The following CDKL5 variants were observed in gnomAD, a reference collection of about 807,000 sequenced individuals.
The protein encoded by CDKL5 is cyclin-dependent kinase-like 5.
A neutral mutation model predicts 61.7 loss-of-function variants in CDKL5; 8 were observed. That is an observed-to-expected ratio of 0.13 (90% CI 0.08 to 0.23). CDKL5 has a LOEUF of 0.23. CDKL5 is among the 10% of genes least tolerant of loss of function. The pLI, the probability that CDKL5 is intolerant of heterozygous loss-of-function variation, is 1.00. For synonymous variants in CDKL5, 275 were observed against 272.3 expected, an observed-to-expected ratio of 1.01 and a Z score of -0.10; for missense variants, 440 against 734.5, an observed-to-expected ratio of 0.60 and a Z score of 4.63.
At chrX:18,646,407 G>A (rs1474380341) in intron 20 of CDKL5, among the ~76,000 whole-genome samples, 1 of 112,087 alleles carries the variant, frequency 8.9e-6, no homozygotes, top group Admixed American at 9.4e-5. Context: ...GCCCCCCCTC[G>A]GCCTCCCAAA....
intron 16 of CDKL5, among the ~76,000 whole-genome samples, chrX:18,623,187 CTAGT>C (rs1438219005): frequency 2.7e-5 from 3 of 112,244 alleles, no homozygotes; most frequent in Non-Finnish European, 5.6e-5. Flanking sequence ...TAATTGTATC[CTAGT>C]TAGTTAGTAT....
intron 6 of CDKL5, among the ~76,000 whole-genome samples, 163 bp downstream of exon 6, chrX:18,580,131 ATC>A (rs1047439632): frequency 8.9e-6 from 1 of 112,438 alleles, no homozygotes; most frequent in East Asian, 2.8e-4. Flanking sequence ...TGCTCTCCAT[ATC>A]TCCTTTTCTA....
intron 4 of CDKL5, among the ~76,000 whole-genome samples, chrX:18,574,685 G>A (rs945578435): frequency 1.8e-5 from 2 of 110,902 alleles, no homozygotes. Flanking sequence ...ACACCATCTG[G>A]GATGGACAGA....
intron 8 of CDKL5, among the ~76,000 whole-genome samples, chrX:18,586,148 ATT>A (rs1342585972): frequency 1.8e-5 from 2 of 111,720 alleles, no homozygotes; most frequent in African/African-American, 3.2e-5. Context: ...TAGTCACTTT[ATT>A]ATCTCTTCCA....
At chrX:18,501,573 C>T (rs1922386609) in intron 1 of CDKL5, among the ~76,000 whole-genome samples, 1 of 110,299 alleles carries the variant, frequency 9.1e-6, no homozygotes, top group Non-Finnish European at 1.9e-5. Context: ...TTTTTTGAGA[C>T]AGTCTCGCTC....
At chrX:18,537,272 T>C (rs1923874671) in intron 3 of CDKL5, among the ~76,000 whole-genome samples, 1 of 112,172 alleles carries the variant, frequency 8.9e-6, no homozygotes, top group African/African-American at 3.2e-5. Flanking sequence ...TTGAATCAGA[T>C]TGGACGCTGC....
rs776244486 is a variant in CDKL5, at chrX:18,634,672, G to A, written c.*5915G>A. On this transcript the variant is annotated 3_prime_UTR_variant, in exon 18 of 18. Transcript: ENST00000623535. ...ACTCTTTGGTCACCGATCGAGTCAG[G>A]CTAGAGGGGTAATACGGTGATTAAA... 26 of 751,342 alleles carry A rather than the reference G, an allele frequency of 3.5e-5. No individual in the cohort carries two copies. The highest frequency in any genetic ancestry group is 3.9e-5 in the Non-Finnish European group (25 of 638,716). The allele number at this position is 751,342 out of a possible 1,213,427, so 61.9% of individuals were successfully genotyped here.
chrX:18,554,513 T>C (rs1924529192), intron 3 of CDKL5, among the ~76,000 whole-genome samples: 1 of 106,341 alleles, frequency 9.4e-6, no homozygotes, highest in South Asian at 4.4e-4. Flanking sequence ...CCTTGCGGGT[T>C]CAAGTAATTC....
chrX:18,554,414 C>CTTT (rs1352845700), intron 3 of CDKL5, among the ~76,000 whole-genome samples: 2 of 94,902 alleles, frequency 2.1e-5, no homozygotes, highest in African/African-American at 3.8e-5. Flanking sequence ...ATTTCACTGT[C>CTTT]TTTTTTTTTT....
Position 18,609,521 on chromosome X carries a change from A to G in CDKL5, c.2103A>G (p.Arg701=), listed in dbSNP as rs1470120191. 14 of 1,210,018 alleles carry G rather than the reference A, an allele frequency of 1.2e-5. No homozygotes were observed. In the Admixed American group the frequency reaches 3.1e-4, roughly 26 times the overall value. The stretch of plus-strand genomic sequence containing the variant: ...ATGGCACAGCCCCCAAAGAAAATAG[A>G]CACCTATACAATGATCCTGTGCCAA... ...SDDGTAPKEN[R]HLYNDPVPRR... Residue 701 remains arginine, a synonymous_variant, in exon 14 of 18, where the codon AGA becomes AGG. Transcript: ENST00000623535.
At chrX:18,609,689 G>A (rs1926482922) in intron 14 of CDKL5, 119 bp downstream of exon 14, 4 of 1,108,592 alleles carry the variant, frequency 3.6e-6, no homozygotes, top group Non-Finnish European at 4.8e-6. Flanking sequence ...CCTTCCAGCG[G>A]TTCTCCCTGC....
intron 3 of CDKL5, among the ~76,000 whole-genome samples, chrX:18,552,738 A>G (rs766202460): frequency 1.8e-5 from 2 of 111,342 alleles, no homozygotes; most frequent in South Asian, 7.7e-4. Context: ...CTGGGGGATG[A>G]GAGAGGGTTG....
rs1926471798 is a variant in CDKL5 at position 18,609,479 on chromosome X, T to C, written c.2061T>C (p.His687=). ...TRQKSEGGVY[H]DPHSDDGTAP... ...TCCTGCCTCAGGGTGGAGTGTATCA[T>C]GACCCACACTCTGATGATGGCACAG... The change falls in exon 14 of 18, where the codon CAT becomes CAC. Residue 687 remains histidine, a synonymous_variant. Coordinates refer to ENST00000623535, the MANE Select transcript of CDKL5 (RefSeq NM_001323289.2). 1 of 1,212,002 alleles carries C rather than the reference T, an allele frequency of 8.3e-7. No individual in the cohort carries two copies. The highest frequency in any genetic ancestry group is 2.3e-4 in the Middle Eastern group (1 of 4,323).
intron 3 of CDKL5, among the ~76,000 whole-genome samples, chrX:18,559,754 G>C (rs1221652684): frequency 9.6e-6 from 1 of 104,276 alleles, no homozygotes; most frequent in Non-Finnish European, 2.0e-5. Context: ...TTTAGCATTA[G>C]GTATATCTCC....
chrX:18,651,816 G>T (rs1186525835), intron 21 of CDKL5, among the ~76,000 whole-genome samples: 3 of 111,709 alleles, frequency 2.7e-5, no homozygotes, highest in Admixed American at 9.4e-5. Context: ...GCACACTCCA[G>T]TTCTCTTATT....
intron 16 of CDKL5, among the ~76,000 whole-genome samples, chrX:18,622,451 C>G (rs1386388774): frequency 5.4e-5 from 6 of 112,002 alleles, no homozygotes. Flanking sequence ...GAGTCCTACG[C>G]CTGACATTGG....
intron 1 of CDKL5, among the ~76,000 whole-genome samples, chrX:18,449,185 C>A (rs1259318941): frequency 6.2e-5 from 7 of 112,393 alleles, no homozygotes; most frequent in Non-Finnish European, 1.3e-4. Flanking sequence ...GTTTTGCCAT[C>A]TATTTTAACT....
At position 18,480,415 on chromosome X, in the gene CDKL5, A is replaced by T. The variant is rs140407464; in HGVS notation, c.-162-26520A>T. On this transcript the variant is annotated intron_variant, in intron 1 of 17. Transcript: ENST00000623535. Reference sequence around the variant, plus strand: ...ACTATCAACATGCTTATCACTATTGATGTTAATTAACCTTGATCACCTGGC... The same window carrying T: ...ACTATCAACATGCTTATCACTATTGTTGTTAATTAACCTTGATCACCTGGC... Among the ~76,000 whole-genome samples, 370 of 112,016 alleles carry T rather than the reference A, an allele frequency of 3.3e-3. 1 individual carries two copies. Among genetic ancestry groups the T allele is most frequent in the African/African-American group, 0.012 (356 of 30,860 alleles).
At chrX:18,477,185 GCC>G (rs1167257055) in intron 1 of CDKL5, among the ~76,000 whole-genome samples, 4 of 111,784 alleles carry the variant, frequency 3.6e-5, no homozygotes, top group African/African-American at 1.3e-4. Flanking sequence ...TCCTGTGTCA[GCC>G]TCCCGAGTAG....
Sources: allele counts gnomAD v4.1 joint callset (sites outside exome capture counted in the v4.1 genomes callset), GRCh38; gene constraint gnomAD v4.1.1; transcripts MANE v1.5; gene names NCBI Gene and HGNC (gene_info 2026-07-23, HGNC 2026-07-21).